Variants in BLOC1S2 observed in about 807,000 individuals in gnomAD.
BLOC1S2 encodes the protein biogenesis of lysosomal organelles complex 1 subunit 2.
Under a neutral mutation model 19.6 loss-of-function variants are expected in BLOC1S2, and 12 were observed. That is an observed-to-expected ratio of 0.61 (90% CI 0.39 to 0.99). The LOEUF is 0.99. BLOC1S2 is among the 50% of genes least tolerant of loss of function. BLOC1S2 has a pLI of 0.00. For missense variants in BLOC1S2, 142 were observed against 171.0 expected (o/e 0.83, Z 0.95); for synonymous variants, 66 against 64.1 (o/e 1.03, Z -0.14).
intron 4 of BLOC1S2, among the ~76,000 whole-genome samples, chr10:100,277,607 A>G (rs74673154): frequency 0.46 from 25,965 of 56,414 alleles, 6,239 homozygotes; most frequent in African/African-American, 0.55. Flanking sequence ...GGGAGGTGGG[A>G]GGGGGTCAGC....
Position 100,274,169 on chromosome 10 carries a change from A to T in BLOC1S2, c.*1293T>A, listed in dbSNP as rs1349884719. The T allele has an allele frequency of 6.6e-6, 1 of 152,106 alleles. No homozygotes were observed. Among genetic ancestry groups the T allele is most frequent in the Non-Finnish European group, 1.5e-5 (1 of 68,044 alleles). 9.4% of individuals were successfully genotyped at this position (152,106 alleles called of 1,614,324 possible). On this transcript the variant is annotated 3_prime_UTR_variant, in exon 5 of 5. Coordinates refer to ENST00000370372, the MANE Select transcript of BLOC1S2 (RefSeq NM_173809.5). Reference sequence around the variant, plus strand: ...CTATTCAGGAGGCTGAGGTGGGAAGATCAGTTGAGCCTAGGAGGTCAAGGT... The same window carrying T: ...CTATTCAGGAGGCTGAGGTGGGAAGTTCAGTTGAGCCTAGGAGGTCAAGGT...
Position 100,286,586 on chromosome 10 carries a change from C to G in BLOC1S2, c.55+19G>C. 1 of 1,612,890 alleles carries G rather than the reference C, an allele frequency of 6.2e-7. No individual in the cohort carries two copies. The highest frequency in any genetic ancestry group is 8.5e-7 in the Non-Finnish European group (1 of 1,179,294). The stretch of plus-strand genomic sequence containing the variant: ...CCAGGCCCCCCACCGGACGCTTCCT[C>G]CCCATCCATTCCGGGTACCTCGGGC... On this transcript the variant is annotated intron_variant, in intron 1 of 4. Transcript: ENST00000370372.
intron 4 of BLOC1S2, among the ~76,000 whole-genome samples, chr10:100,278,319 C>T (rs1164294554): frequency 2.0e-5 from 3 of 152,258 alleles, no homozygotes; most frequent in South Asian, 2.1e-4. Flanking sequence ...GCCACCACCC[C>T]GTCTGGGAGG....
At chr10:100,286,484 A>G in intron 1 of BLOC1S2, 121 bp downstream of exon 1, 1 of 1,503,054 alleles carries the variant, frequency 6.7e-7, no homozygotes, top group Non-Finnish European at 8.9e-7. Context: ...GCGCAGCGAC[A>G]AGTGCACTCC....
At chr10:100,286,487 T>C (rs1296306871) in intron 1 of BLOC1S2, 118 bp downstream of exon 1, 8 of 1,510,430 alleles carry the variant, frequency 5.3e-6, no homozygotes, top group Non-Finnish European at 7.1e-6. Flanking sequence ...CAGCGACAAG[T>C]GCACTCCTCT....
chr10:100,280,864 C>A (rs1385301434), intron 3 of BLOC1S2, 70 bp downstream of exon 3: 22 of 1,498,686 alleles, frequency 1.5e-5, no homozygotes, highest in Non-Finnish European at 2.0e-5. Context: ...GTTCCCTCCT[C>A]TTCTCCATGG....
intron 4 of BLOC1S2, among the ~76,000 whole-genome samples, chr10:100,279,005 A>G (rs1848026876): frequency 6.6e-6 from 1 of 152,052 alleles, no homozygotes; most frequent in Non-Finnish European, 1.5e-5. Flanking sequence ...GAGGATCACT[A>G]GAGCCCAGGA....
chr10:100,275,597 T>TA, intron 4 of BLOC1S2, 104 bp from the exon 5 acceptor site: 2 of 992,058 alleles, frequency 2.0e-6, no homozygotes, highest in Non-Finnish European at 3.0e-6. Context: ...ATAATATTAC[T>TA]AAAAATCTAT....
In BLOC1S2 at chr10:100,280,110, G is replaced by A. The variant is rs371288906; in HGVS notation, c.397+14C>T. On this transcript the variant is annotated intron_variant, in intron 4 of 4. Transcript: ENST00000370372. ...CAGTCTTTATTACATCAAAACAGAA[G>A]TAAAAACGGTTACCCAGTTTTTTTG... 3.8e-6 allele frequency: 6 copies of A among 1,599,826 alleles called. No individual in the cohort carries two copies. Among genetic ancestry groups the A allele is most frequent in the South Asian group, 1.1e-5 (1 of 90,216 alleles).
chr10:100,276,897 G>A (rs1247723590), intron 4 of BLOC1S2, among the ~76,000 whole-genome samples: 1 of 152,210 alleles, frequency 6.6e-6, no homozygotes, highest in Non-Finnish European at 1.5e-5. Context: ...CCAAAGTGCG[G>A]AGATTGCAGC....
chr10:100,277,170 TGAG>T (rs1320103944), intron 4 of BLOC1S2, among the ~76,000 whole-genome samples: 1 of 147,840 alleles, frequency 6.8e-6, no homozygotes, highest in African/African-American at 2.6e-5. Context: ...ATCTGGGAGG[TGAG>T]GAGCGTCTCT....
Position 100,278,096 on chromosome 10 carries a change from G to A in BLOC1S2, c.397+2028C>T, listed in dbSNP as rs538273575. On this transcript the variant is annotated intron_variant, in intron 4 of 4. Transcript: ENST00000370372. Reference sequence around the variant, plus strand: ...CCCCGCCGGGCCAGCCGCTCCGTCCGGGAGGGAGGTGGGGGGGCGGTCAGC... The same window carrying A: ...CCCCGCCGGGCCAGCCGCTCCGTCCAGGAGGGAGGTGGGGGGGCGGTCAGC... 1.8e-3 allele frequency among the ~76,000 whole-genome samples: 208 copies of A among 114,236 alleles called. 12 individuals carry two copies. Among genetic ancestry groups the A allele is most frequent in the Non-Finnish European group, 3.4e-3 (170 of 49,870 alleles). 74.9% of individuals were successfully genotyped at this position (114,236 alleles called of 152,430 possible). A position where few individuals can be genotyped will look rare whatever the true frequency, so the allele number is the denominator to read the frequency against.
rs149378090 is a variant in BLOC1S2 at position 100,280,213 on chromosome 10, G to A, written c.308C>T (p.Pro103Leu). 2 of 1,609,724 alleles carry A rather than the reference G, an allele frequency of 1.2e-6. No individual in the cohort carries two copies. The highest frequency in any genetic ancestry group is 8.5e-7 in the Non-Finnish European group (1 of 1,177,454). ...DLNQKYAGLQ[P>L]YLDQINVIEE... ...AATGACATTGATCTGATCCAGATAA[G>A]GCTGCAGTCCAGCATCTTTAAAAAC... The change falls in exon 4 of 5, where the codon CCT becomes CTT. Residue 103 changes from proline to leucine, a missense_variant. This residue lies in a region of BLOC1S2 where 94 missense variants were observed against 141.3 expected (regional missense o/e 0.67). Transcript: ENST00000370372.
In BLOC1S2 at chr10:100,286,121, T is replaced by C. The variant is rs778905454; in HGVS notation, c.148A>G (p.Thr50Ala). 16 of 1,613,956 alleles carry C rather than the reference T, an allele frequency of 9.9e-6. No homozygotes were observed. Among genetic ancestry groups the C allele is most frequent in the Middle Eastern group, 1.6e-4 (1 of 6,084 alleles). ...CCCGTCAGTTCCCCAGTCAGGTAAG[T>C]GGCCATTTTGGAGAACATGTCCCGG... is the stretch of plus-strand genomic sequence containing the variant. ...LCRDMFSKMATYLTGELTATS... is the reference protein window; with the variant it reads ...LCRDMFSKMAAYLTGELTATS... The change falls in exon 2 of 5, where the codon ACT becomes GCT. Residue 50 changes from threonine to alanine, a missense_variant. Around this residue, in one of 2 missense-constraint regions of BLOC1S2, gnomAD observed 94 missense variants for 141.3 expected, o/e 0.67. Transcript: ENST00000370372.
chr10:100,282,977 G>A (rs911870706), intron 2 of BLOC1S2: 8 of 398,428 alleles, frequency 2.0e-5, no homozygotes, highest in Non-Finnish European at 3.1e-5. Context: ...AAGTGACTCC[G>A]AAATCTGTTT....
At chr10:100,278,114 C>A (rs372839294) in intron 4 of BLOC1S2, among the ~76,000 whole-genome samples, 632 of 45,252 alleles carry the variant, frequency 0.014, 21 homozygotes, top group Non-Finnish European at 0.023. Flanking sequence ...GGTGGGGGGG[C>A]GGTCAGCGCC....
At chr10:100,282,838 G>A (rs959987382) in intron 2 of BLOC1S2, 52 of 398,412 alleles carry the variant, frequency 1.3e-4, no homozygotes, top group African/African-American at 9.3e-4. Flanking sequence ...GGTACTTTAA[G>A]TGTTACTAAA....
chr10:100,278,811 A>AT (rs1013978335), intron 4 of BLOC1S2, among the ~76,000 whole-genome samples: 5 of 148,652 alleles, frequency 3.4e-5, no homozygotes, highest in African/African-American at 4.9e-5. Context: ...ATGATCAATA[A>AT]AAAAAAAAAA....
At chr10:100,286,407 C>T (rs964961850) in intron 1 of BLOC1S2, 194 bp from the exon 2 acceptor site, 1 of 1,461,768 alleles carries the variant, frequency 6.8e-7, no homozygotes, top group East Asian at 2.5e-5. Context: ...CACCGCCCCT[C>T]GCCCATACCC....
Sources: allele counts gnomAD v4.1 joint callset (sites outside exome capture counted in the v4.1 genomes callset), GRCh38; gene constraint gnomAD v4.1.1; regional missense constraint gnomAD v4.1.1; transcripts MANE v1.5; gene names NCBI Gene and HGNC (gene_info 2026-07-23, HGNC 2026-07-21).